The following RBFOX1 variants were observed in gnomAD, a reference collection of about 807,000 sequenced individuals.
RBFOX1 encodes RNA binding fox-1 homolog 1.
RBFOX1 carries 8 observed loss-of-function variants against 57.7 expected under a neutral mutation model. That is an observed-to-expected ratio of 0.14 (90% CI 0.08 to 0.25). The LOEUF is 0.25. Ranked by LOEUF, RBFOX1 falls within the 10% of genes least tolerant of loss-of-function variation. The pLI is 1.00. For missense variants in RBFOX1, 611 were observed against 548.5 expected, an observed-to-expected ratio of 1.11 and a Z score of -1.14; for synonymous variants, 326 against 222.4, an observed-to-expected ratio of 1.47 and a Z score of -4.15.
chr16:5,944,987 A>AG (rs1555453188), intron 4 of RBFOX1, among the ~76,000 whole-genome samples: 8 of 97,080 alleles, frequency 8.2e-5, no homozygotes, highest in African/African-American at 1.6e-4. Flanking sequence ...AAAAAAAAAA[A>AG]AGAGAGAGAG....
chr16:5,587,712 C>A (rs1022966694), intron 2 of RBFOX1, among the ~76,000 whole-genome samples: 1 of 151,648 alleles, frequency 6.6e-6, no homozygotes, highest in Non-Finnish European at 1.5e-5. Context: ...GACTCTGTCT[C>A]GAAAAAGTCA....
intron 3 of RBFOX1, among the ~76,000 whole-genome samples, chr16:6,730,824 G>A (rs2068379017): frequency 6.6e-6 from 1 of 152,174 alleles, no homozygotes; most frequent in Non-Finnish European, 1.5e-5. Flanking sequence ...ATGTGGCTGA[G>A]GAGCAGAGCC....
chr16:7,149,344 T>C (rs1022627576), intron 4 of RBFOX1, among the ~76,000 whole-genome samples: 3 of 152,138 alleles, frequency 2.0e-5, no homozygotes, highest in Non-Finnish European at 4.4e-5. Flanking sequence ...CTCTTGGTTT[T>C]ATCTCTCAAT....
At chr16:7,091,694 C>G (rs754159331) in intron 4 of RBFOX1, among the ~76,000 whole-genome samples, 34 of 152,198 alleles carry the variant, frequency 2.2e-4, no homozygotes, top group Non-Finnish European at 4.3e-4. Flanking sequence ...TGGCTTATCT[C>G]TGCTCTTTCA....
Position 7,613,058 on chromosome 16 carries a change from C to G in RBFOX1, c.676+5720C>G, listed in dbSNP as rs909490906. ...AGGCAAAGATCTTCTAACGGAAATG[C>G]AGATCTAAGATATAGTTAGGTCCCA... On this transcript the variant is annotated intron_variant, in intron 10 of 15. Transcript: ENST00000550418. Among the ~76,000 whole-genome samples, 12 of 152,200 alleles carry G rather than the reference C, an allele frequency of 7.9e-5. 1 individual carries two copies. The highest frequency in any genetic ancestry group is 7.2e-4 in the Admixed American group (11 of 15,274).
intron 4 of RBFOX1, among the ~76,000 whole-genome samples, chr16:5,903,834 A>C (rs972276842): frequency 2.0e-5 from 3 of 152,126 alleles, no homozygotes; most frequent in Non-Finnish European, 4.4e-5. Context: ...TTTCATTGCG[A>C]GGGACCATAG....
At chr16:7,345,419 C>T (rs1430825350) in intron 4 of RBFOX1, among the ~76,000 whole-genome samples, 1 of 152,172 alleles carries the variant, frequency 6.6e-6, no homozygotes, top group Non-Finnish European at 1.5e-5. Flanking sequence ...TTGCCTGTAG[C>T]ATTTTCCATG....
intron 3 of RBFOX1, among the ~76,000 whole-genome samples, chr16:5,670,750 T>A (rs1456685470): frequency 2.0e-5 from 3 of 152,226 alleles, no homozygotes; most frequent in Non-Finnish European, 4.4e-5. Flanking sequence ...GCCTGCAGGT[T>A]TTCTTAGACC....
chr16:6,018,183 A>AGG, upstream of RBFOX1, among the ~76,000 whole-genome samples: 1 of 142,988 alleles, frequency 7.0e-6, no homozygotes, highest in South Asian at 2.4e-4. Flanking sequence ...GAAGGGAGGA[A>AGG]AGGAGGAAGG....
intron 3 of RBFOX1, among the ~76,000 whole-genome samples, chr16:6,888,188 T>G (rs1418005102): frequency 6.6e-6 from 1 of 152,196 alleles, no homozygotes; most frequent in African/African-American, 2.4e-5. Flanking sequence ...AACATTTTAT[T>G]TCTTTACCCA....
At chr16:5,927,574 G>T (rs1263185349) in intron 4 of RBFOX1, among the ~76,000 whole-genome samples, 1 of 152,186 alleles carries the variant, frequency 6.6e-6, no homozygotes, top group Non-Finnish European at 1.5e-5. Flanking sequence ...ACTACCGTAT[G>T]ATCCAGCAAT....
chr16:5,733,887 G>C (rs1357372882), intron 3 of RBFOX1, among the ~76,000 whole-genome samples: 5 of 151,822 alleles, frequency 3.3e-5, no homozygotes, highest in Non-Finnish European at 7.4e-5. Flanking sequence ...CTCTCTCCAA[G>C]GCTGCTGAGG....
chr16:6,495,657 T>C (rs973929924), intron 2 of RBFOX1, among the ~76,000 whole-genome samples: 1 of 152,246 alleles, frequency 6.6e-6, no homozygotes, highest in Non-Finnish European at 1.5e-5. Flanking sequence ...TTCAGACAGA[T>C]GGATGCCTCT....
chr16:6,781,903 G>T (rs2081079857), intron 3 of RBFOX1, among the ~76,000 whole-genome samples: 2 of 151,994 alleles, frequency 1.3e-5, no homozygotes, highest in South Asian at 4.2e-4. Context: ...ATTTATTTCT[G>T]CTCTGATCTT....
At chr16:7,477,974 G>C (rs1444580618) in intron 4 of RBFOX1, among the ~76,000 whole-genome samples, 2 of 152,158 alleles carry the variant, frequency 1.3e-5, no homozygotes, top group Non-Finnish European at 2.9e-5. Flanking sequence ...CTTTGACTTT[G>C]ATTCATAAGT....
intron 3 of RBFOX1, among the ~76,000 whole-genome samples, chr16:6,938,404 C>A (rs914637854): frequency 1.3e-5 from 2 of 152,080 alleles, no homozygotes; most frequent in South Asian, 4.2e-4. Flanking sequence ...TAGTAAGGGT[C>A]GGAAAAATGT....
At chr16:7,058,592 A>G (rs1031546149) in intron 4 of RBFOX1, among the ~76,000 whole-genome samples, 10 of 151,126 alleles carry the variant, frequency 6.6e-5, no homozygotes, top group African/African-American at 2.2e-4. Context: ...GTGTGTGTGC[A>G]TGCGCATGTG....
chr16:7,087,130 T>C lies in RBFOX1; in HGVS notation c.27+35032T>C, dbSNP rs74555902. 7.9e-5 allele frequency among the ~76,000 whole-genome samples: 12 copies of C among 152,318 alleles called. No individual in the cohort carries two copies. The East Asian group carries it at 2.3e-3, about 29-fold the overall frequency. ...AGGCCTTGACCTGACTGGATGCTGC[T>C]TTTATCTGAAGTACATTTAAAGAGA... On this transcript the variant is annotated intron_variant, in intron 4 of 15. Coordinates refer to ENST00000550418, the MANE Select transcript of RBFOX1 (RefSeq NM_018723.4).
chr16:7,067,573 T>G (rs12921598), intron 4 of RBFOX1, among the ~76,000 whole-genome samples: 67 of 151,388 alleles, frequency 4.4e-4, no homozygotes, highest in African/African-American at 1.6e-3. Flanking sequence ...TTAGGGTACA[T>G]GTGCACAATG....
Sources: gnomAD v4.1 joint callset for allele counts (sites outside exome capture counted in the v4.1 genomes callset) on GRCh38, gnomAD v4.1.1 for gene constraint, MANE v1.5 for transcripts, NCBI Gene and HGNC (gene_info 2026-07-23, HGNC 2026-07-21) for gene names.